The following NDST4 variants were observed in gnomAD, a reference collection of about 807,000 sequenced individuals.
NDST4 encodes the protein N-deacetylase and N-sulfotransferase 4.
Under a neutral mutation model 100.8 loss-of-function variants are expected in NDST4, and 63 were observed. The ratio of observed to expected loss-of-function variants is 0.62; its 90% CI spans 0.51 to 0.77. NDST4 has a LOEUF of 0.77. Among genes scored for constraint, NDST4 ranks in the 30% least tolerant of loss-of-function variants. The pLI is 0.00. For missense variants in NDST4, 943 were observed against 1,018.4 expected, an observed-to-expected ratio of 0.93 and a Z score of 1.01; for synonymous variants, 377 against 361.8, an observed-to-expected ratio of 1.04 and a Z score of -0.48.
intron 2 of NDST4, among the ~76,000 whole-genome samples, chr4:114,988,657 G>A (rs1016034739): frequency 6.6e-5 from 10 of 151,762 alleles, no homozygotes; most frequent in South Asian, 4.2e-4. Flanking sequence ...CACCATGCCC[G>A]GCCTACATAC....
intron 1 of NDST4, among the ~76,000 whole-genome samples, chr4:115,100,556 CTACTAT>C (rs1175063439): frequency 6.6e-6 from 1 of 151,986 alleles, no homozygotes. Flanking sequence ...CCTATGTGGG[CTACTAT>C]TACACATGCA....
chr4:114,939,575 A>G (rs1725703696), intron 4 of NDST4, among the ~76,000 whole-genome samples: 1 of 152,158 alleles, frequency 6.6e-6, no homozygotes, highest in Non-Finnish European at 1.5e-5. Flanking sequence ...CAAAGCAATG[A>G]AAAATAAAAT....
chr4:114,929,117 T>TCCATCCATCC lies in NDST4; in HGVS notation c.1536+6088_1536+6089insGGATGGATGG, dbSNP rs1560817145. Among the ~76,000 whole-genome samples the TCCATCCATCC allele has an allele frequency of 3.6e-5, 4 of 111,236 alleles. No individual in the cohort carries two copies. The East Asian group carries it at 9.4e-4, about 26-fold the overall frequency. 73.0% of individuals were successfully genotyped at this position (111,236 alleles called of 152,430 possible). ...CCATCCATCCATCCATCCATCCATC[T>TCCATCCATCC]ATCTATCTATCTATCTATCTATCTA... On this transcript the variant is annotated intron_variant, in intron 6 of 13. Coordinates refer to ENST00000264363, the MANE Select transcript of NDST4 (RefSeq NM_022569.3).
In NDST4 at chr4:115,056,989, G is replaced by A. The variant is rs528291716; in HGVS notation, c.978+19070C>T. 2.0e-5 allele frequency among the ~76,000 whole-genome samples: 3 copies of A among 152,084 alleles called. No individual in the cohort carries two copies. In the South Asian group the frequency reaches 6.2e-4, roughly 32 times the overall value. The stretch of plus-strand genomic sequence containing the variant: ...TGGGTAATTTTTTTTCACTTTGTTG[G>A]ATTTTTTCTTTCTACTTCTCTTTCA... On this transcript the variant is annotated intron_variant, in intron 2 of 13. Transcript: ENST00000264363.
At chr4:114,960,230 T>C (rs1726231306) in intron 4 of NDST4, among the ~76,000 whole-genome samples, 1 of 152,218 alleles carries the variant, frequency 6.6e-6, no homozygotes, top group Non-Finnish European at 1.5e-5. Flanking sequence ...AGAGAATACA[T>C]TGCCAAACCT....
chr4:115,090,359 G>A (rs1034065952), intron 1 of NDST4, among the ~76,000 whole-genome samples: 29 of 151,646 alleles, frequency 1.9e-4, no homozygotes, highest in African/African-American at 7.0e-4. Flanking sequence ...CCAAAATAAT[G>A]ATAGAAGATA....
chr4:115,091,014 G>A (rs1422609298), intron 1 of NDST4, among the ~76,000 whole-genome samples: 5 of 151,714 alleles, frequency 3.3e-5, no homozygotes, highest in Non-Finnish European at 7.4e-5. Flanking sequence ...TGTTACTGTT[G>A]TGCACAAAAG....
At chr4:114,950,796 T>G (rs1258759737) in intron 4 of NDST4, among the ~76,000 whole-genome samples, 1 of 152,106 alleles carries the variant, frequency 6.6e-6, no homozygotes, top group East Asian at 1.9e-4. Flanking sequence ...GTTGTTCATT[T>G]TTTTTTCTTA....
At chr4:115,022,217 G>A (rs142239757) in intron 2 of NDST4, among the ~76,000 whole-genome samples, 147 of 144,008 alleles carry the variant, frequency 1.0e-3, no homozygotes, top group South Asian at 2.2e-3. Context: ...GTCTATGCAC[G>A]TTCCATATAT....
chr4:114,955,490 T>C (rs1158054414), intron 4 of NDST4, among the ~76,000 whole-genome samples: 2 of 152,088 alleles, frequency 1.3e-5, no homozygotes, highest in Admixed American at 6.5e-5. Flanking sequence ...GAATCTAAAT[T>C]ACATGTTAAG....
chr4:114,956,113 C>T (rs1726134399), intron 4 of NDST4: 1 of 152,194 alleles, frequency 6.6e-6, no homozygotes, highest in South Asian at 2.1e-4. Flanking sequence ...TCCCTTGCCT[C>T]ATCTCAATTG....
chr4:114,991,293 A>G (rs1727034288), intron 2 of NDST4, among the ~76,000 whole-genome samples: 1 of 152,110 alleles, frequency 6.6e-6, no homozygotes, highest in Admixed American at 6.6e-5. Flanking sequence ...GTAATTAAAG[A>G]GGCTTTACTC....
intron 2 of NDST4, among the ~76,000 whole-genome samples, chr4:115,051,792 G>T (rs528352964): frequency 6.6e-6 from 1 of 152,210 alleles, no homozygotes; most frequent in African/African-American, 2.4e-5. Flanking sequence ...GGAAGTGCTG[G>T]ATTATATGGA....
intron 2 of NDST4, 24 bp downstream of exon 2, chr4:115,076,035 G>C (rs757126549): frequency 5.1e-6 from 8 of 1,568,288 alleles, no homozygotes; most frequent in Non-Finnish European, 4.3e-6. Context: ...TACAAATTTC[G>C]ATGTTGTCTA....
intron 7 of NDST4, among the ~76,000 whole-genome samples, chr4:114,861,166 C>A (rs1291620343): frequency 6.6e-6 from 1 of 152,188 alleles, no homozygotes; most frequent in Non-Finnish European, 1.5e-5. Context: ...GCCTACATTT[C>A]TAGCTTAAGC....
chr4:115,013,428 C>G (rs1314386642), intron 2 of NDST4, among the ~76,000 whole-genome samples: 1 of 142,844 alleles, frequency 7.0e-6, no homozygotes, highest in African/African-American at 2.5e-5. Flanking sequence ...AAACTTATAA[C>G]ACACTGTTAA....
intron 4 of NDST4, among the ~76,000 whole-genome samples, chr4:114,963,570 TATG>T (rs1182400311): frequency 6.6e-6 from 1 of 152,168 alleles, no homozygotes; most frequent in African/African-American, 2.4e-5. Context: ...GGGTGAACCT[TATG>T]ATATGTTAAT....
intron 2 of NDST4, among the ~76,000 whole-genome samples, chr4:115,070,136 G>T (rs527416548): frequency 7.2e-5 from 11 of 152,070 alleles, no homozygotes; most frequent in Non-Finnish European, 1.3e-4. Flanking sequence ...AATCATTGCA[G>T]CACTCTTCAA....
At chr4:114,948,423 G>T (rs1866942) in intron 4 of NDST4, among the ~76,000 whole-genome samples, 95,659 of 151,678 alleles carry the variant, frequency 0.63, 30,489 homozygotes, top group Non-Finnish European at 0.69. Context: ...CCAAAAGTAG[G>T]TTCCTATTAA....
Sources: allele counts gnomAD v4.1 joint callset (sites outside exome capture counted in the v4.1 genomes callset), GRCh38; gene constraint gnomAD v4.1.1; transcripts MANE v1.5; gene names NCBI Gene and HGNC (gene_info 2026-07-23, HGNC 2026-07-21).